The following UMAD1 variants were observed in gnomAD, a reference collection of about 807,000 sequenced individuals.
UMAD1 encodes UBAP1-MVB12-associated (UMA) domain containing 1, also known as UBAP1-MVB12-associated (UMA)-domain containing protein 1.
In UMAD1, 8 loss-of-function variants were observed where a neutral mutation model predicts 6.1. The ratio of observed to expected loss-of-function variants is 1.30; its 90% CI spans 0.76 to 2.35. UMAD1 has a LOEUF of 2.35. Ranked by LOEUF, UMAD1 falls within the 30% of genes most tolerant of loss-of-function variation. The pLI is 0.00. For missense variants in UMAD1, 130 were observed against 78.4 expected, an observed-to-expected ratio of 1.66 and a Z score of -2.49; for synonymous variants, 56 against 31.4, an observed-to-expected ratio of 1.78 and a Z score of -2.61.
intron 1 of UMAD1, among the ~76,000 whole-genome samples, chr7:7,663,656 T>C (rs1785532546): frequency 6.6e-6 from 1 of 152,198 alleles, no homozygotes; most frequent in Non-Finnish European, 1.5e-5. Flanking sequence ...AGAGAACTAG[T>C]GAGATACTGC....
intron 1 of UMAD1, among the ~76,000 whole-genome samples, chr7:7,669,437 G>C (rs1015864845): frequency 6.6e-6 from 1 of 152,124 alleles, no homozygotes; most frequent in Non-Finnish European, 1.5e-5. Context: ...TGTAGGTTAC[G>C]TTTTTATACC....
intron 3 of UMAD1, among the ~76,000 whole-genome samples, chr7:7,839,292 G>C (rs1783630361): frequency 6.6e-6 from 1 of 152,052 alleles, no homozygotes; most frequent in Non-Finnish European, 1.5e-5. Context: ...GCTCACTGCT[G>C]CCTCAATCTC....
intron 2 of UMAD1, among the ~76,000 whole-genome samples, chr7:7,687,710 T>C (rs1007982142): frequency 1.3e-5 from 2 of 152,202 alleles, no homozygotes; most frequent in Admixed American, 6.5e-5. Flanking sequence ...GGTATTTCCA[T>C]CAAAAATGAT....
Position 7,660,686 on chromosome 7 carries a change from A to G in UMAD1, c.-63-12623A>G, listed in dbSNP as rs552073025. ...GAGAGATCCACTGTTAGTCTGATGG[A>G]CTTCCCTTTGTGGGTAACCCAGCCT... On this transcript the variant is annotated intron_variant, in intron 1 of 3. Coordinates refer to ENST00000682710, the MANE Select transcript of UMAD1 (RefSeq NM_001302348.2). Among the ~76,000 whole-genome samples the G allele has an allele frequency of 6.6e-5, 10 of 152,240 alleles. 1 individual carries two copies. Among genetic ancestry groups the G allele is most frequent in the African/African-American group, 2.4e-4 (10 of 41,554 alleles).
intron 2 of UMAD1, among the ~76,000 whole-genome samples, chr7:7,727,429 T>C (rs1781161774): frequency 6.6e-6 from 1 of 152,228 alleles, no homozygotes; most frequent in South Asian, 2.1e-4. Flanking sequence ...CTTATTATTG[T>C]CTTTATTTGA....
chr7:7,861,514 T>C (rs1043556437), intron 3 of UMAD1, among the ~76,000 whole-genome samples: 15 of 152,262 alleles, frequency 9.9e-5, no homozygotes, highest in Non-Finnish European at 1.3e-4. Flanking sequence ...ATTGTTTTTC[T>C]AGTGGAGTTC....
intron 2 of UMAD1, among the ~76,000 whole-genome samples, chr7:7,683,853 C>A (rs1779974068): frequency 6.6e-6 from 1 of 152,150 alleles, no homozygotes; most frequent in Non-Finnish European, 1.5e-5. Context: ...AAACTCCTGA[C>A]CTCAGGTGAT....
intron 2 of UMAD1, among the ~76,000 whole-genome samples, chr7:7,793,893 GT>G (rs1782617499): frequency 2.0e-5 from 3 of 152,132 alleles, no homozygotes; most frequent in Non-Finnish European, 4.4e-5. Context: ...TCTGCAAGAT[GT>G]TTAATAGGTG....
chr7:7,741,602 T>TAATAATAATAATAAA, intron 2 of UMAD1, among the ~76,000 whole-genome samples: 1 of 147,590 alleles, frequency 6.8e-6, no homozygotes, highest in Non-Finnish European at 1.5e-5. Context: ...ATAATAATAA[T>TAATAATAATAATAAA]AATAATAATA....
intron 3 of UMAD1, among the ~76,000 whole-genome samples, chr7:7,825,898 G>A (rs542060049): frequency 3.9e-5 from 6 of 152,136 alleles, no homozygotes; most frequent in Admixed American, 6.6e-5. Context: ...CAAGTCTCAG[G>A]TATAAAATGG....
At chr7:7,753,054 C>G (rs947400039) in intron 2 of UMAD1, among the ~76,000 whole-genome samples, 1 of 152,132 alleles carries the variant, frequency 6.6e-6, no homozygotes, top group Non-Finnish European at 1.5e-5. Context: ...CTCCTCCACT[C>G]TCATTTGTAA....
intron 2 of UMAD1, among the ~76,000 whole-genome samples, chr7:7,677,396 C>T (rs935255676): frequency 4.0e-5 from 6 of 151,582 alleles, no homozygotes; most frequent in African/African-American, 1.5e-4. Flanking sequence ...ATTTTATTTC[C>T]CTCTTTCTGC....
chr7:7,865,386 C>G (rs931750208), intron 3 of UMAD1, among the ~76,000 whole-genome samples: 2 of 152,072 alleles, frequency 1.3e-5, no homozygotes, highest in Admixed American at 6.6e-5. Context: ...GGAAAAAGCC[C>G]ATGTGTTTAG....
At chr7:7,856,294 T>C (rs1784016341) in intron 3 of UMAD1, among the ~76,000 whole-genome samples, 1 of 152,224 alleles carries the variant, frequency 6.6e-6, no homozygotes, top group Non-Finnish European at 1.5e-5. Flanking sequence ...AGAGGTTTAA[T>C]TGACTCACAG....
intron 3 of UMAD1, among the ~76,000 whole-genome samples, chr7:7,817,558 C>T (rs1234103102): frequency 6.6e-6 from 1 of 152,140 alleles, no homozygotes; most frequent in Non-Finnish European, 1.5e-5. Context: ...GTTAGTTTTT[C>T]AGGTTATGTT....
intron 2 of UMAD1, among the ~76,000 whole-genome samples, chr7:7,773,496 T>G (rs796338130): frequency 1.5e-4 from 23 of 152,290 alleles, no homozygotes; most frequent in African/African-American, 5.5e-4. Context: ...TAGAAATGCC[T>G]TAATTTGCAT....
chr7:7,656,829 C>T (rs1390944019), intron 1 of UMAD1, among the ~76,000 whole-genome samples: 2 of 152,152 alleles, frequency 1.3e-5, no homozygotes, highest in African/African-American at 2.4e-5. Flanking sequence ...GGTATATACC[C>T]AGTAATGGGA....
At chr7:7,759,332 T>C (rs1032855908) in intron 2 of UMAD1, among the ~76,000 whole-genome samples, 1 of 152,190 alleles carries the variant, frequency 6.6e-6, no homozygotes, top group Non-Finnish European at 1.5e-5. Flanking sequence ...AGAATAAACA[T>C]ATAAATAATA....
At chr7:7,769,727 G>T (rs1290072265) in intron 2 of UMAD1, among the ~76,000 whole-genome samples, 1 of 152,156 alleles carries the variant, frequency 6.6e-6, no homozygotes, top group Admixed American at 6.5e-5. Context: ...CTGATAGTGT[G>T]GCATGTTCTG....
Sources: gnomAD v4.1 joint callset for allele counts (sites outside exome capture counted in the v4.1 genomes callset) on GRCh38, gnomAD v4.1.1 for gene constraint, MANE v1.5 for transcripts, NCBI Gene and HGNC (gene_info 2026-07-23, HGNC 2026-07-21) for gene names.